TBC1D17: variants seen among roughly 807,000 people sequenced by gnomAD.
TBC1D17 encodes TBC1 domain family member 17, also known as TBC1 domain family, member 17.
TBC1D17 carries 69 observed loss-of-function variants against 78.8 expected under a neutral mutation model. That is an observed-to-expected ratio of 0.88 (90% CI 0.72 to 1.07). The LOEUF (loss-of-function observed/expected upper bound fraction) is 1.07. TBC1D17 is among the 50% of genes least tolerant of loss of function. The pLI is 0.00. For missense variants in TBC1D17, 957 were observed against 861.0 expected, an observed-to-expected ratio of 1.11 and a Z score of -1.39; for synonymous variants, 456 against 358.3, an observed-to-expected ratio of 1.27 and a Z score of -3.08.
intron 15 of TBC1D17, 157 bp downstream of exon 15, chr19:49,887,991 C>A: frequency 1.1e-6 from 1 of 906,872 alleles, no homozygotes; most frequent in Non-Finnish European, 1.7e-6. Flanking sequence ...TCCCTTCTGC[C>A]CCATGCCATG....
In TBC1D17 at chr19:49,883,703, G is replaced by T. The variant is rs780814778; in HGVS notation, c.1084G>T (p.Glu362Ter). 5 of 1,613,894 alleles carry T rather than the reference G, an allele frequency of 3.1e-6. No homozygotes were observed. Among genetic ancestry groups the T allele is most frequent in the Non-Finnish European group, 4.2e-6 (5 of 1,179,982 alleles). ...LQWKSVSPEQ[E>*]RRNSLLHGYR... The stretch of plus-strand genomic sequence containing the variant: ...GTGGAAATCTGTGAGCCCTGAGCAG[G>T]AGCGGAGAAACTCACTTCTGCATGG... The change falls in exon 10 of 17, where the codon GAG becomes TAG. Residue 362 changes from glutamate (E) to a stop codon, truncating the protein, a stop_gained. Coordinates refer to ENST00000221543, the MANE Select transcript of TBC1D17 (RefSeq NM_024682.3). LOFTEE classifies it high-confidence loss of function.
At chr19:49,880,700 C>G (rs111938789) in intron 4 of TBC1D17, among the ~76,000 whole-genome samples, 11 of 152,190 alleles carry the variant, frequency 7.2e-5, no homozygotes, top group African/African-American at 2.7e-4. Flanking sequence ...GTGACAGATG[C>G]AGCCAGTTAG....
chr19:49,886,400 G>A (rs766826805), intron 13 of TBC1D17, among the ~76,000 whole-genome samples: 1 of 152,142 alleles, frequency 6.6e-6, no homozygotes, highest in Non-Finnish European at 1.5e-5. Context: ...GAGATACTCT[G>A]TCCTCACCTT....
In TBC1D17 at chr19:49,884,797, C is replaced by T. The variant is rs200808479; in HGVS notation, c.1444+39C>T. 3.2e-5 allele frequency: 51 copies of T among 1,577,108 alleles called. No homozygotes were observed. The Admixed American group carries it at 7.0e-4, about 22-fold the overall frequency. On this transcript the variant is annotated intron_variant, in intron 13 of 16. Coordinates refer to ENST00000221543, the MANE Select transcript of TBC1D17 (RefSeq NM_024682.3). The stretch of plus-strand genomic sequence containing the variant: ...GAGGGTGGGCAGGAGACAATGGGGC[C>T]ATAGACCTTGCCAGATTCTCTGGTA...
chr19:49,887,454 TG>T (rs1600454337), intron 13 of TBC1D17, 21 bp from the exon 14 acceptor site: 1 of 1,610,828 alleles, frequency 6.2e-7, no homozygotes. Context: ...CAAGGCTGAG[TG>T]GGCTCCATGT....
chr19:49,881,091 G>GC (rs1175016538), intron 4 of TBC1D17, among the ~76,000 whole-genome samples, 177 bp from the exon 5 acceptor site: 1 of 152,134 alleles, frequency 6.6e-6, no homozygotes, highest in African/African-American at 2.4e-5. Context: ...TGTCCACTGG[G>GC]CCCCCTTCCC....
rs1201563467 is a variant in TBC1D17, at chr19:49,888,617, ACTC to A, written c.1943_1945del (p.Ser648del). On this transcript the variant is annotated inframe_deletion, in exon 17 of 17. Transcript: ENST00000221543. ...CCCGAGGAGGAGGACGAGGGCGCCGACTCCTAACCCCGCCAGGCAGCCTCGTTC... is the reference window on the plus strand; with the variant it reads ...CCCGAGGAGGAGGACGAGGGCGCCGACTAACCCCGCCAGGCAGCCTCGTTC... The A allele has an allele frequency of 6.6e-7, 1 of 1,520,020 alleles. No homozygotes were observed. Among genetic ancestry groups the A allele is most frequent in the Admixed American group, 2.0e-5 (1 of 50,036 alleles). 94.2% of individuals were successfully genotyped at this position (1,520,020 alleles called of 1,614,324 possible).
At position 49,884,206 on chromosome 19, in the gene TBC1D17, G is replaced by A. The variant is rs752146060; in HGVS notation, c.1127-47G>A. The A allele has an allele frequency of 2.8e-5, 43 of 1,560,452 alleles. 1 individual carries two copies. In the South Asian group the frequency reaches 4.6e-4, roughly 17 times the overall value. The stretch of plus-strand genomic sequence containing the variant: ...TGGCACTGGTGGCCAGCAGGGATGG[G>A]CCCCCCTACCTTTCTCACCTTTGCA... On this transcript the variant is annotated intron_variant, in intron 10 of 16. Transcript: ENST00000221543.
In TBC1D17 at chr19:49,888,551, C is replaced by T; in HGVS notation, c.1874C>T (p.Thr625Met). The change falls in exon 17 of 17, where the codon ACG becomes ATG. Residue 625 changes from threonine (T) to methionine (M), a missense_variant. Transcript: ENST00000221543. ...TRAPPTPPPS[T>M]DTAPQPDSSL... is the part of the protein sequence containing the mutation. ...GCCCCGCCCACCCCGCCGCCCTCCA[C>T]GGACACAGCCCCGCAGCCCGACAGC... The T allele has an allele frequency of 1.3e-6, 2 of 1,536,370 alleles. No individual in the cohort carries two copies. The highest frequency in any genetic ancestry group is 1.2e-5 in the South Asian group (1 of 84,012).
chr19:49,881,756 C>G (rs1054901957), intron 5 of TBC1D17, among the ~76,000 whole-genome samples: 2 of 152,226 alleles, frequency 1.3e-5, no homozygotes, highest in Non-Finnish European at 2.9e-5. Context: ...GAAGGCACCT[C>G]TTTCCCCACG....
In TBC1D17 at chr19:49,887,551, C is replaced by G; in HGVS notation, c.1520C>G (p.Pro507Arg). 6.2e-7 allele frequency: 1 copy of G among 1,614,184 alleles called. No individual in the cohort carries two copies. The highest frequency in any genetic ancestry group is 8.5e-7 in the Non-Finnish European group (1 of 1,180,016). Residue 507 changes from proline (P) to arginine (R), a missense_variant, in exon 14 of 17, where the codon CCG becomes CGG. By Grantham distance (103) the Pro-to-Arg change is moderately radical (BLOSUM62 -2). Transcript: ENST00000221543. ...LIWFKREFPF[P>R]DVLRLWEVLW... ...TGGTTCAAGAGGGAATTCCCCTTCC[C>G]GGATGTCCTTCGGCTGTGGGAGGTG...
At chr19:49,886,254 C>CA (rs111725968) in intron 13 of TBC1D17, among the ~76,000 whole-genome samples, 8,580 of 149,618 alleles carry the variant, frequency 0.057, 394 homozygotes, top group African/African-American at 0.12. Flanking sequence ...GACTTTGTCT[C>CA]AAAAAAAAAG....
At position 49,888,282 on chromosome 19, in the gene TBC1D17, G is replaced by C; in HGVS notation, c.1711G>C (p.Ala571Pro). The C allele has an allele frequency of 6.3e-7, 1 of 1,592,434 alleles. No individual in the cohort carries two copies. Among genetic ancestry groups the C allele is most frequent in the Non-Finnish European group, 8.5e-7 (1 of 1,170,438 alleles). Residue 571 changes from alanine (A) to proline (P), a missense_variant, in exon 16 of 17, where the codon GCC becomes CCC. By Grantham distance (27) the Ala-to-Pro change is conservative. Coordinates refer to ENST00000221543, the MANE Select transcript of TBC1D17 (RefSeq NM_024682.3). ...KLSVEDVLTR[A>P]EALHRQLTAC... is the part of the protein sequence containing the mutation. ...GAGCGTGGAGGACGTGCTGACCCGC[G>C]CCGAGGCCCTGCACCGCCAGCTAAC...
rs752129122 is a variant in TBC1D17 at position 49,882,027 on chromosome 19, C to G, written c.528-14C>G. On this transcript the variant is annotated splice_polypyrimidine_tract_variant and intron_variant, in intron 5 of 16. Coordinates refer to ENST00000221543, the MANE Select transcript of TBC1D17 (RefSeq NM_024682.3). Reference sequence around the variant, plus strand: ...TACCTGTGCATCACCTGTGCGTCACCTCCCGCCTCCCAGCTCCCCGCAGGA... The same window carrying G: ...TACCTGTGCATCACCTGTGCGTCACGTCCCGCCTCCCAGCTCCCCGCAGGA... 2 of 1,609,622 alleles carry G rather than the reference C, an allele frequency of 1.2e-6. No homozygotes were observed. The highest frequency in any genetic ancestry group is 8.5e-7 in the Non-Finnish European group (1 of 1,176,506).
chr19:49,883,649 A>C lies in TBC1D17; in HGVS notation c.1032-2A>C. The C allele has an allele frequency of 6.2e-7, 1 of 1,613,646 alleles. No homozygotes were observed. The highest frequency in any genetic ancestry group is 2.2e-5 in the East Asian group (1 of 44,878). On this transcript the variant is annotated splice_acceptor_variant, in intron 9 of 16. Transcript: ENST00000221543. LOFTEE classifies it high-confidence loss of function. ...CACATCTTGTTTCCCTCTGTCACTC[A>C]GGGATGAGTATTTCCGCATGAAGCT...
At chr19:49,884,434 G>A in intron 11 of TBC1D17, 25 bp from the exon 12 acceptor site, 2 of 1,613,908 alleles carry the variant, frequency 1.2e-6, no homozygotes, top group African/African-American at 1.3e-5. Context: ...GGGCTTGGCT[G>A]CAGCCTGACC....
At chr19:49,887,148 T>C (rs2075065126) in intron 13 of TBC1D17, 1 of 308,088 alleles carries the variant, frequency 3.2e-6, no homozygotes, top group South Asian at 2.6e-5. Context: ...TCAGCTTAAA[T>C]TTTTGCTACA....
At chr19:49,877,984 C>T (rs975437304) in intron 1 of TBC1D17, 159 bp from the exon 2 acceptor site, 5 of 738,984 alleles carry the variant, frequency 6.8e-6, no homozygotes, top group Non-Finnish European at 1.1e-5. Context: ...CGTCAGCATC[C>T]GAACGCGGGC....
chr19:49,882,617 C>T (rs1012178936), intron 7 of TBC1D17, 147 bp from the exon 8 acceptor site: 17 of 1,386,774 alleles, frequency 1.2e-5, no homozygotes, highest in Admixed American at 2.9e-5. Context: ...GATGACTTGG[C>T]TGCTGAGCCC....
Sources: allele counts gnomAD v4.1 joint callset (sites outside exome capture counted in the v4.1 genomes callset), GRCh38; gene constraint gnomAD v4.1.1; transcripts MANE v1.5; gene names NCBI Gene and HGNC (gene_info 2026-07-23, HGNC 2026-07-21).